The following OTC variants were observed in gnomAD, a reference collection of about 807,000 sequenced individuals.
OTC encodes ornithine transcarbamylase, also known as ornithine transcarbamylase, mitochondrial.
In OTC, 3 loss-of-function variants were observed where a neutral mutation model predicts 30.3. The ratio of observed to expected loss-of-function variants is 0.10; its 90% CI spans 0.05 to 0.26. OTC has a LOEUF of 0.26. Among genes scored for constraint, OTC ranks in the 10% least tolerant of loss-of-function variants. The pLI, the probability that OTC is intolerant of heterozygous loss-of-function variation, is 1.00. For missense variants in OTC, 194 were observed against 260.3 expected (o/e 0.75, Z 1.75); for synonymous variants, 111 against 99.7 (o/e 1.11, Z -0.67).
At chrX:38,400,282 T>G (rs2068478859) in intron 4 of OTC, among the ~76,000 whole-genome samples, 1 of 111,378 alleles carries the variant, frequency 9.0e-6, no homozygotes, top group Non-Finnish European at 1.9e-5. Context: ...AGAAAAAATC[T>G]GATCTTTAAG....
At chrX:38,338,090 C>A in the OTC span, among the ~76,000 whole-genome samples, 2 of 112,121 alleles carry the variant, frequency 1.8e-5, no homozygotes, top group East Asian at 5.6e-4. Context: ...AGCTTTCAAT[C>A]TAACTCAGAT....
chrX:38,336,065 A>G, the OTC span, among the ~76,000 whole-genome samples: 1 of 111,334 alleles, frequency 9.0e-6, no homozygotes, highest in Non-Finnish European at 1.9e-5. Context: ...ATAATTTGAG[A>G]AGGATTTATT....
At chrX:38,340,093 G>T in the OTC span, among the ~76,000 whole-genome samples, 4 of 112,193 alleles carry the variant, frequency 3.6e-5, no homozygotes, top group Middle Eastern at 4.6e-3. Flanking sequence ...GAAGAAAATA[G>T]TACAGAATGT....
At chrX:38,355,241 G>A (rs1158919177) in intron 1 of OTC, among the ~76,000 whole-genome samples, 1 of 111,166 alleles carries the variant, frequency 9.0e-6, no homozygotes, top group Non-Finnish European at 1.9e-5. Flanking sequence ...TAACAAGATC[G>A]ATAGGATCAG....
Position 38,369,868 on chromosome X carries a change from A to G in OTC, c.289A>G (p.Thr97Ala). 8.4e-7 allele frequency: 1 copy of G among 1,190,254 alleles called. No individual in the cohort carries two copies. Among genetic ancestry groups the G allele is most frequent in the Non-Finnish European group, 1.1e-6 (1 of 875,892 alleles). The change falls in exon 3 of 10, where the codon ACA (threonine) becomes GCA (alanine). Residue 97 changes from threonine (T) to alanine (A), a missense_variant. Physicochemically the swap from Thr to Ala is moderately conservative, Grantham distance 58. Transcript: ENST00000039007. ...AAGAAGTACTCGAACAAGATTGTCT[A>G]CAGAAACAGGTAAGTCCACTGCCAA... is the stretch of plus-strand genomic sequence containing the variant. Reference protein sequence around the residue: ...EKRSTRTRLSTETGFALLGGH... With the variant: ...EKRSTRTRLSAETGFALLGGH...
chrX:38,336,569 C>T, the OTC span, among the ~76,000 whole-genome samples: 1 of 109,676 alleles, frequency 9.1e-6, no homozygotes, highest in African/African-American at 3.3e-5. Context: ...GAAAAGCTAC[C>T]CAGCAGGAGC....
chrX:38,343,364 A>T, the OTC span, among the ~76,000 whole-genome samples: 1 of 111,764 alleles, frequency 8.9e-6, no homozygotes, highest in Admixed American at 9.5e-5. Context: ...TCCTTTATGC[A>T]GTTTAACCTC....
At chrX:38,367,242 G>C in intron 1 of OTC, 49 bp from the exon 2 acceptor site, 1 of 1,061,288 alleles carries the variant, frequency 9.4e-7, no homozygotes, top group East Asian at 3.0e-5. Context: ...CATAGTACAT[G>C]GGTCTTTTCT....
At chrX:38,364,085 C>T (rs776615862) in intron 1 of OTC, among the ~76,000 whole-genome samples, 59 of 111,509 alleles carry the variant, frequency 5.3e-4, no homozygotes, top group South Asian at 1.1e-3. Context: ...GAGATCACAC[C>T]ACTGCACTCC....
At chrX:38,410,647 T>C (rs1259136122) in intron 8 of OTC, among the ~76,000 whole-genome samples, 1 of 111,992 alleles carries the variant, frequency 8.9e-6, no homozygotes, top group African/African-American at 3.2e-5. Context: ...TTATATATTA[T>C]GGCTAATCCC....
the OTC span, among the ~76,000 whole-genome samples, chrX:38,343,864 A>G: frequency 1.2e-4 from 13 of 112,417 alleles, no homozygotes; most frequent in African/African-American, 3.6e-4. Context: ...AAATGCCTCA[A>G]TTGAAAGGGT....
intron 1 of OTC, among the ~76,000 whole-genome samples, chrX:38,365,721 A>C (rs1365274072): frequency 1.8e-5 from 2 of 112,512 alleles, no homozygotes; most frequent in Non-Finnish European, 3.8e-5. Flanking sequence ...TGAGAAATTT[A>C]AAGTAGGAAA....
rs199858968 is a variant in OTC at position 38,367,296 on chromosome X, G to A, written c.83G>A (p.Gly28Glu). The change falls in exon 2 of 10, where the codon GGA (glycine) becomes GAA (glutamate). Residue 28 changes from glycine (G) to glutamate (E), a missense_variant. Coordinates refer to ENST00000039007, the MANE Select transcript of OTC (RefSeq NM_000531.6). The stretch of plus-strand genomic sequence containing the variant: ...TTTTAAATCTCTTTTTACAGGTGTG[G>A]ACAACCACTACAAAATAAAGTGCAG... ...HNFMVRNFRC[G>E]QPLQNKVQLK... The A allele has an allele frequency of 1.8e-4, 211 of 1,204,970 alleles. No individual in the cohort carries two copies. Among genetic ancestry groups the A allele is most frequent in the Non-Finnish European group, 2.3e-4 (203 of 890,920 alleles).
chrX:38,358,620 A>ATTTTTT (rs1194488054), intron 1 of OTC, among the ~76,000 whole-genome samples: 5 of 88,328 alleles, frequency 5.7e-5, no homozygotes, highest in Non-Finnish European at 6.7e-5. Flanking sequence ...CTGTGGTGGA[A>ATTTTTT]TTTTTTTTTT....
At chrX:38,380,874 G>A (rs746938195) in intron 3 of OTC, among the ~76,000 whole-genome samples, 2 of 111,159 alleles carry the variant, frequency 1.8e-5, no homozygotes, top group South Asian at 3.8e-4. Flanking sequence ...GATTACAGGC[G>A]CCTGCCACCA....
chrX:38,336,360 C>G, the OTC span, among the ~76,000 whole-genome samples: 8 of 108,891 alleles, frequency 7.3e-5, no homozygotes, highest in Non-Finnish European at 1.5e-4. Context: ...CTCCATTCTC[C>G]TGCTGTGATT....
intron 4 of OTC, among the ~76,000 whole-genome samples, chrX:38,385,043 G>T (rs1192452927): frequency 9.0e-6 from 1 of 111,364 alleles, no homozygotes; most frequent in Non-Finnish European, 1.9e-5. Flanking sequence ...GGGGCTGGGG[G>T]AATGGGGGTG....
chrX:38,413,124 G>A (rs1371387720), intron 9 of OTC, among the ~76,000 whole-genome samples: 1 of 112,263 alleles, frequency 8.9e-6, no homozygotes, highest in Non-Finnish European at 1.9e-5. Context: ...CTGCAAGGGA[G>A]TTTGGGAAAG....
At chrX:38,352,106 A>C (rs1178175540), upstream of OTC, among the ~76,000 whole-genome samples, 1 of 112,583 alleles carries the variant, frequency 8.9e-6, no homozygotes, top group African/African-American at 3.2e-5. Flanking sequence ...GCACAAAGGG[A>C]GCTCCAGGAC....
Sources: gnomAD v4.1 joint callset for allele counts (sites outside exome capture counted in the v4.1 genomes callset) on GRCh38, gnomAD v4.1.1 for gene constraint, MANE v1.5 for transcripts, NCBI Gene and HGNC (gene_info 2026-07-23, HGNC 2026-07-21) for gene names.